ZNF208: variants seen among roughly 807,000 people sequenced by gnomAD.
ZNF208 encodes the protein zinc finger protein 95.
Under a neutral mutation model 12.1 loss-of-function variants are expected in ZNF208, and 10 were observed. The observed-to-expected ratio is 0.83, with a 90% confidence interval of 0.51 to 1.40. The LOEUF (loss-of-function observed/expected upper bound fraction) is 1.40, where lower values mean the gene tolerates loss of function less well. Ranked by LOEUF, ZNF208 falls within the 40% of genes most tolerant of loss-of-function variation. The probability of loss-of-function intolerance (pLI) is 0.00; values close to 1 mark genes in which losing one functional copy is unlikely to be tolerated. For synonymous variants in ZNF208, 497 were observed against 488.4 expected (o/e 1.02, Z -0.23); for missense variants, 1,652 against 1,485.0 (o/e 1.11, Z -1.85).
Position 21,973,858 on chromosome 19 carries a change from A to C in ZNF208, c.1176T>G (p.Thr392=). The stretch of plus-strand genomic sequence containing the variant: ...CTTCACATTTGTAGGGTTTCTCTCC[A>C]GTATGAATTTTCTTATGATAACTAA... The part of the protein sequence containing the change: ...STLSYHKKIH[T]GEKPYKCEEC... Residue 392 remains threonine, a synonymous_variant, in exon 4 of 4, where the codon ACT becomes ACG. Coordinates refer to ENST00000397126, the MANE Select transcript of ZNF208 (RefSeq NM_007153.3). 1.2e-6 allele frequency: 2 copies of C among 1,613,532 alleles called. No homozygotes were observed. The highest frequency in any genetic ancestry group is 1.7e-6 in the Non-Finnish European group (2 of 1,179,878).
rs1346181084 is a variant in ZNF208, at chr19:21,970,526, T to C, written c.*665A>G. The stretch of plus-strand genomic sequence containing the variant: ...TGCCACATTTTTCATATTTGTAGGG[T>C]TTTTCCTCCAGTATGAATTCTTTTA... On this transcript the variant is annotated 3_prime_UTR_variant, in exon 4 of 4. Coordinates refer to ENST00000397126, the MANE Select transcript of ZNF208 (RefSeq NM_007153.3). Among the ~76,000 whole-genome samples, 1 of 152,102 alleles carries C rather than the reference T, an allele frequency of 6.6e-6. No individual in the cohort carries two copies.
rs1971136046 is a variant in ZNF208 at position 22,010,822 on chromosome 19, C to A, written c.-28G>T. 6.2e-7 allele frequency: 1 copy of A among 1,614,018 alleles called. No individual in the cohort carries two copies. The highest frequency in any genetic ancestry group is 1.3e-5 in the African/African-American group (1 of 75,052). ...CTAGGCTTCCAGGGGGTCCTGGCGA[C>A]TTAGTTGTGGATCTCCCAATACCTG... On this transcript the variant is annotated 5_prime_UTR_variant, in exon 1 of 4. Transcript: ENST00000397126.
Position 21,952,265 on chromosome 19 carries a change from T to A in ZNF208, c.306-19028A>T, listed in dbSNP as rs147811296. 2.0e-5 allele frequency among the ~76,000 whole-genome samples: 3 copies of A among 152,354 alleles called. No homozygotes were observed. In the East Asian group the frequency reaches 5.8e-4, roughly 29 times the overall value. On this transcript the variant is annotated intron_variant, in intron 4 of 4. Coordinates refer to the ZNF208 transcript ENST00000599916. ...AGCAGATAGCTTCTGCAGATTTATA[T>A]GTTCCTGTCTGACAGCTCTGAAGAG...
chr19:21,970,467 T>C lies in ZNF208; in HGVS notation c.*724A>G, dbSNP rs1043983024. On this transcript the variant is annotated 3_prime_UTR_variant, in exon 4 of 4. Transcript: ENST00000397126. Reference sequence around the variant, plus strand: ...TTTCCCTCCTGTACAAATTCCCTTATGTTCAGTAAGCGTTGAGAATTAATT... The same window carrying C: ...TTTCCCTCCTGTACAAATTCCCTTACGTTCAGTAAGCGTTGAGAATTAATT... Among the ~76,000 whole-genome samples the C allele has an allele frequency of 5.3e-5, 8 of 152,188 alleles. No individual in the cohort carries two copies. The highest frequency in any genetic ancestry group is 1.9e-4 in the African/African-American group (8 of 41,456).
intron 1 of ZNF208, among the ~76,000 whole-genome samples, chr19:21,992,792 C>A (rs773224191): frequency 6.6e-6 from 1 of 152,114 alleles, no homozygotes; most frequent in African/African-American, 2.4e-5. Context: ...TGATTATTGT[C>A]AGAATTTTTT....
At chr19:21,940,957 G>T (rs1370756223) in intron 4 of ZNF208, 2 of 169,836 alleles carry the variant, frequency 1.2e-5, no homozygotes. Context: ...AGGCATCCCC[G>T]GGCTGGGCGA....
chr19:21,959,071 C>T (rs1365710100), intron 4 of ZNF208, among the ~76,000 whole-genome samples: 1 of 151,602 alleles, frequency 6.6e-6, no homozygotes, highest in Non-Finnish European at 1.5e-5. Flanking sequence ...GACAGAGACT[C>T]AGTCTCATGA....
At chr19:21,985,305 C>T (rs1202441250) in intron 3 of ZNF208, among the ~76,000 whole-genome samples, 1 of 152,154 alleles carries the variant, frequency 6.6e-6, no homozygotes, top group Non-Finnish European at 1.5e-5. Flanking sequence ...AACCAGGCAT[C>T]ATGGTTAACA....
Position 21,974,537 on chromosome 19 carries a change from C to G in ZNF208, c.497G>C (p.Arg166Thr). The G allele has an allele frequency of 1.2e-6, 2 of 1,613,542 alleles. No homozygotes were observed. Among genetic ancestry groups the G allele is most frequent in the Non-Finnish European group, 1.7e-6 (2 of 1,179,674 alleles). Residue 166 changes from arginine to threonine, a missense_variant, in exon 4 of 4, where the codon AGG (arginine) becomes ACG (threonine). By Grantham distance (71) the Arg-to-Thr change is moderately conservative. Coordinates refer to ENST00000397126, the MANE Select transcript of ZNF208 (RefSeq NM_007153.3). ...TTGCAAATGTTTCTTTCCAGTATGC[C>G]TTATCTTATGTCTGTTTGAATTTGA... Reference protein sequence around the residue: ...KCSNSNRHKIRHTGKKHLQCK... With the variant: ...KCSNSNRHKITHTGKKHLQCK...
intron 1 of ZNF208, among the ~76,000 whole-genome samples, chr19:22,002,297 CT>C (rs1189158587): frequency 6.6e-6 from 1 of 152,134 alleles, no homozygotes. Flanking sequence ...ACAAGGATGC[CT>C]TCTCTCAACA....
chr19:21,993,681 T>C (rs1970779546), intron 1 of ZNF208, among the ~76,000 whole-genome samples: 1 of 152,062 alleles, frequency 6.6e-6, no homozygotes, highest in Admixed American at 6.6e-5. Flanking sequence ...CCACTGGGCT[T>C]ATTATTAGCA....
chr19:21,984,122 T>C (rs1599622699), intron 3 of ZNF208, among the ~76,000 whole-genome samples: 1 of 152,246 alleles, frequency 6.6e-6, no homozygotes, highest in East Asian at 1.9e-4. Context: ...GAATAGCTCA[T>C]ACAATATATT....
chr19:21,990,081 A>G (rs1343976249), intron 1 of ZNF208, among the ~76,000 whole-genome samples: 2 of 151,954 alleles, frequency 1.3e-5, no homozygotes, highest in Non-Finnish European at 2.9e-5. Flanking sequence ...GAAGCTCTTT[A>G]GTTCAATTAG....
intron 4 of ZNF208, among the ~76,000 whole-genome samples, chr19:21,948,641 TGAGCCCCAG>T: frequency 6.6e-6 from 1 of 152,286 alleles, no homozygotes; most frequent in South Asian, 2.1e-4. Context: ...GAAAATAAAG[TGAGCCCCAG>T]GAAAGTTCTC....
intron 4 of ZNF208, among the ~76,000 whole-genome samples, chr19:21,960,143 G>C (rs997596799): frequency 6.6e-6 from 1 of 152,068 alleles, no homozygotes; most frequent in African/African-American, 2.4e-5. Flanking sequence ...TTTATGTTGG[G>C]TGGGAGAGAA....
Position 21,987,209 on chromosome 19 carries a change from C to T in ZNF208, c.226+7G>A, listed in dbSNP as rs548920482. On this transcript the variant is annotated splice_region_variant and intron_variant, in intron 3 of 3. Transcript: ENST00000397126. The stretch of plus-strand genomic sequence containing the variant: ...CATCCATGTTGTCTGTATTCACTCT[C>T]ACCTACCTGGGGATTCTTCCACCAT... 8.1e-6 allele frequency: 13 copies of T among 1,609,112 alleles called. No individual in the cohort carries two copies. Among genetic ancestry groups the T allele is most frequent in the Non-Finnish European group, 1.0e-5 (12 of 1,178,150 alleles).
chr19:21,974,832 T>G (rs1296809407), intron 3 of ZNF208, 25 bp from the exon 4 acceptor site: 1 of 1,503,432 alleles, frequency 6.7e-7, no homozygotes, highest in East Asian at 2.3e-5. Flanking sequence ...AAATCACAAA[T>G]TAGCCTACTT....
intron 4 of ZNF208, chr19:21,941,241 A>G: frequency 2.5e-6 from 1 of 398,872 alleles, no homozygotes. Flanking sequence ...GAGAAGGACA[A>G]GAAAAATGAA....
intron 4 of ZNF208, chr19:21,941,086 G>A: frequency 3.0e-6 from 1 of 332,268 alleles, no homozygotes; most frequent in Non-Finnish European, 5.4e-6. Flanking sequence ...CGGTAGCCGT[G>A]GTCCCTGTAA....
Sources: gnomAD v4.1 joint callset for allele counts (sites outside exome capture counted in the v4.1 genomes callset) on GRCh38, gnomAD v4.1.1 for gene constraint, MANE v1.5 for transcripts, NCBI Gene and HGNC (gene_info 2026-07-23, HGNC 2026-07-21) for gene names.